The following CFAP69 variants were observed in gnomAD, a reference collection of about 807,000 sequenced individuals.
CFAP69 encodes cilia and flagella associated protein 69.
A neutral mutation model predicts 123.0 loss-of-function variants in CFAP69; 92 were observed. The ratio of observed to expected loss-of-function variants is 0.75; its 90% CI spans 0.63 to 0.89. The LOEUF (loss-of-function observed/expected upper bound fraction) is 0.89. CFAP69 is among the 40% of genes least tolerant of loss of function. The pLI is 0.00. For synonymous variants in CFAP69, 380 were observed against 364.3 expected (o/e 1.04, Z -0.49); for missense variants, 1,067 against 1,096.9 (o/e 0.97, Z 0.39).
At chr7:90,252,389 TG>T (rs1445864300) in intron 1 of CFAP69, among the ~76,000 whole-genome samples, 1 of 152,188 alleles carries the variant, frequency 6.6e-6, no homozygotes, top group African/African-American at 2.4e-5. Context: ...TAAAAATGGC[TG>T]GGCATGTTGG....
chr7:90,265,637 A>G (rs1012906619), intron 5 of CFAP69, among the ~76,000 whole-genome samples: 3 of 152,230 alleles, frequency 2.0e-5, no homozygotes, highest in Admixed American at 1.3e-4. Context: ...ATTATTATTT[A>G]GTTTAATGAA....
chr7:90,300,210 G>C (rs1792585533), intron 17 of CFAP69, 151 bp downstream of exon 17: 2 of 1,135,144 alleles, frequency 1.8e-6, no homozygotes, highest in Non-Finnish European at 2.2e-6. Flanking sequence ...GCTATCCTAA[G>C]TGACTGGAAG....
At chr7:90,258,874 C>T (rs116462339) in intron 3 of CFAP69, among the ~76,000 whole-genome samples, 6,974 of 152,136 alleles carry the variant, frequency 0.046, 215 homozygotes, top group South Asian at 0.11. Flanking sequence ...TTCAGAAAGA[C>T]AATGGATGTA....
intron 1 of CFAP69, among the ~76,000 whole-genome samples, chr7:90,247,823 G>A (rs867322498): frequency 1.3e-5 from 2 of 152,088 alleles, no homozygotes; most frequent in African/African-American, 2.4e-5. Flanking sequence ...CCAGCCTGGC[G>A]ACAGAGTGAG....
intron 4 of CFAP69, among the ~76,000 whole-genome samples, chr7:90,263,934 C>CA (rs549175208): frequency 3.4e-5 from 5 of 148,978 alleles, no homozygotes; most frequent in East Asian, 4.0e-4. Flanking sequence ...ATTAAAAATG[C>CA]AAAAAAAATA....
In CFAP69 at chr7:90,268,397, A is replaced by G; in HGVS notation, c.532+13A>G. 6.4e-7 allele frequency: 1 copy of G among 1,562,782 alleles called. No individual in the cohort carries two copies. Among genetic ancestry groups the G allele is most frequent in the East Asian group, 2.3e-5 (1 of 44,396 alleles). On this transcript the variant is annotated intron_variant, in intron 6 of 22. Coordinates refer to ENST00000389297, the MANE Select transcript of CFAP69 (RefSeq NM_001039706.3). ...AAGCATATTCCAGGTGAAGTTTACA[A>G]TGGTCTTTCAGTGATAACTTGTGTA...
At chr7:90,307,242 A>T in intron 20 of CFAP69, 144 bp downstream of exon 20, 4 of 671,158 alleles carry the variant, frequency 6.0e-6, no homozygotes, top group Non-Finnish European at 7.7e-6. Context: ...ATTTCAAAAT[A>T]CCCAGAAGAC....
Position 90,272,187 on chromosome 7 carries a change from C to T in CFAP69, c.860+229C>T, listed in dbSNP as rs144231827. The T allele has an allele frequency of 8.9e-5, 33 of 371,488 alleles. No homozygotes were observed. The Admixed American group carries it at 1.3e-3, about 15-fold the overall frequency. The allele number at this position is 371,488 out of a possible 1,614,324, so 23.0% of individuals were successfully genotyped here. ...GTAGCTTCTTAACACTAAAATATAACTTGGAATATAGATAAAGTAAAATTA... is the reference window on the plus strand; with the variant it reads ...GTAGCTTCTTAACACTAAAATATAATTTGGAATATAGATAAAGTAAAATTA... On this transcript the variant is annotated intron_variant, in intron 8 of 22. Transcript: ENST00000389297.
the CFAP69 span, among the ~76,000 whole-genome samples, chr7:90,321,801 T>G: frequency 1.3e-5 from 2 of 152,180 alleles, no homozygotes; most frequent in Admixed American, 1.3e-4. Flanking sequence ...AAATGTTTCC[T>G]TTATCCCTTC....
intron 21 of CFAP69, 93 bp from the exon 22 acceptor site, chr7:90,309,170 G>T: frequency 5.0e-6 from 3 of 604,502 alleles, no homozygotes; most frequent in Non-Finnish European, 8.4e-6. Context: ...CAAAGCATAA[G>T]CCAGACACAA....
intron 3 of CFAP69, among the ~76,000 whole-genome samples, chr7:90,259,733 G>A (rs13247261): frequency 0.035 from 5,340 of 151,958 alleles, 129 homozygotes; most frequent in South Asian, 0.057. Flanking sequence ...CAATCCTCTC[G>A]CCTCGGCCTC....
chr7:90,255,790 T>G (rs184490363), intron 2 of CFAP69, among the ~76,000 whole-genome samples: 1 of 152,092 alleles, frequency 6.6e-6, no homozygotes, highest in African/African-American at 2.4e-5. Context: ...TGTTACCTAG[T>G]AGGATTGGAG....
intron 1 of CFAP69, among the ~76,000 whole-genome samples, chr7:90,248,821 T>C (rs990884387): frequency 3.9e-5 from 6 of 152,216 alleles, no homozygotes; most frequent in Non-Finnish European, 5.9e-5. Flanking sequence ...CATTTTCTAA[T>C]TGTGAGGAAC....
chr7:90,305,725 A>G (rs1469464493), intron 19 of CFAP69, among the ~76,000 whole-genome samples: 1 of 107,068 alleles, frequency 9.3e-6, no homozygotes, highest in Non-Finnish European at 2.3e-5. Context: ...AAAATAAATT[A>G]TTAATACTTA....
At chr7:90,264,133 ATATATATATATATATATG>A (rs1305509678) in intron 4 of CFAP69, among the ~76,000 whole-genome samples, 24 of 120,386 alleles carry the variant, frequency 2.0e-4, no homozygotes, top group South Asian at 3.0e-4. Context: ...ATATATATAT[ATATATATATATATATATG>A]AATTAAAAGT....
At chr7:90,311,962 C>A (rs536291434), downstream of CFAP69, among the ~76,000 whole-genome samples, 5 of 152,232 alleles carry the variant, frequency 3.3e-5, no homozygotes, top group East Asian at 9.6e-4. Flanking sequence ...ACGAGATGCC[C>A]ATACAAAAAA....
At chr7:90,300,163 A>ATTT in intron 17 of CFAP69, 104 bp downstream of exon 17, 124 of 878,048 alleles carry the variant, frequency 1.4e-4, no homozygotes, top group East Asian at 3.6e-4. Context: ...CTTTGTCTAA[A>ATTT]GTTTTTTTTT....
intron 2 of CFAP69, 114 bp from the exon 3 acceptor site, chr7:90,257,984 G>T: frequency 7.7e-6 from 5 of 653,242 alleles, no homozygotes; most frequent in Admixed American, 3.1e-5. Context: ...TTATAATATA[G>T]TAATTTAAGA....
chr7:90,286,409 C>T lies in CFAP69; in HGVS notation c.1656+10C>T, dbSNP rs769983675. 6.2e-7 allele frequency: 1 copy of T among 1,608,640 alleles called. No individual in the cohort carries two copies. The highest frequency in any genetic ancestry group is 2.2e-5 in the East Asian group (1 of 44,580). ...TCACATTCAAAGGAAGGTATGTATG[C>T]CTGTGAAAGTTTTGTTCAGGTCTCC... is the stretch of plus-strand genomic sequence containing the variant. On this transcript the variant is annotated intron_variant, in intron 14 of 22. Transcript: ENST00000389297.
Sources: gnomAD v4.1 joint callset for allele counts (sites outside exome capture counted in the v4.1 genomes callset) on GRCh38, gnomAD v4.1.1 for gene constraint, MANE v1.5 for transcripts, NCBI Gene and HGNC (gene_info 2026-07-23, HGNC 2026-07-21) for gene names.